The following DOCK1 variants were observed in gnomAD, a reference collection of about 807,000 sequenced individuals.
DOCK1 encodes dedicator of cytokinesis protein 1.
Under a neutral mutation model 262.7 loss-of-function variants are expected in DOCK1, and 138 were observed. That is an observed-to-expected ratio of 0.53 (90% CI 0.46 to 0.61). The LOEUF is 0.61. Ranked by LOEUF, DOCK1 falls within the 20% of genes least tolerant of loss-of-function variation. The pLI is 0.00. For missense variants in DOCK1, 1,908 were observed against 2,370.7 expected (o/e 0.80, Z 4.05); for synonymous variants, 866 against 867.4 (o/e 1.00, Z 0.03).
rs548084827 is a variant in DOCK1, at chr10:127,443,913, C to G, written c.5260-213C>G. Among the ~76,000 whole-genome samples, 11 of 152,122 alleles carry G rather than the reference C, an allele frequency of 7.2e-5. No homozygotes were observed. The East Asian group carries it at 1.9e-3, about 27-fold the overall frequency. ...GTTTTCCAGAGTTTCCTCCCCCGGT[C>G]CCCCATTCCTTTTCATGTCTTACTA... On this transcript the variant is annotated intron_variant, in intron 49 of 51. Transcript: ENST00000623213.
chr10:127,205,627 G>T (rs1463042501), intron 27 of DOCK1, among the ~76,000 whole-genome samples: 6 of 152,180 alleles, frequency 3.9e-5, no homozygotes, highest in Non-Finnish European at 7.3e-5. Flanking sequence ...AAAGTTCCTT[G>T]TTGGACTTTT....
rs551304259 is a variant in DOCK1, at chr10:127,393,799, G to T, written c.3927+8890G>T. Among the ~76,000 whole-genome samples the T allele has an allele frequency of 1.2e-4, 19 of 152,170 alleles. No individual in the cohort carries two copies. The East Asian group carries it at 3.1e-3, about 25-fold the overall frequency. On this transcript the variant is annotated intron_variant, in intron 38 of 51. Coordinates refer to ENST00000623213, the MANE Select transcript of DOCK1 (RefSeq NM_001290223.2). ...AAAGTTTTGAATGTCTTTCAGCCTA[G>T]CTCTTGGTTTCTTAATCTTTTTCTT...
At chr10:127,330,421 A>G (rs1010291281) in intron 29 of DOCK1, among the ~76,000 whole-genome samples, 15 of 150,556 alleles carry the variant, frequency 1.0e-4, no homozygotes, top group Non-Finnish European at 2.2e-4. Flanking sequence ...AAAAAAAAAA[A>G]CAGGGAAATA....
At chr10:127,322,184 T>TCC (rs201969558) in intron 29 of DOCK1, among the ~76,000 whole-genome samples, 1 of 103,584 alleles carries the variant, frequency 9.7e-6, no homozygotes, top group African/African-American at 4.6e-5. Context: ...TTTTATAATT[T>TCC]CCCTTTTTTT....
intron 25 of DOCK1, among the ~76,000 whole-genome samples, chr10:127,118,305 G>A (rs1441941892): frequency 6.6e-6 from 1 of 151,968 alleles, no homozygotes; most frequent in African/African-American, 2.4e-5. Context: ...CTCACACAGT[G>A]TTTTCTGCAT....
At chr10:127,286,819 T>C (rs1382241756) in intron 29 of DOCK1, among the ~76,000 whole-genome samples, 1 of 152,058 alleles carries the variant, frequency 6.6e-6, no homozygotes, top group Non-Finnish European at 1.5e-5. Flanking sequence ...GGTTGTTATA[T>C]CTAGTAAGTT....
intron 23 of DOCK1, among the ~76,000 whole-genome samples, chr10:127,075,502 A>G (rs1334496703): frequency 2.0e-5 from 3 of 152,194 alleles, no homozygotes; most frequent in African/African-American, 7.2e-5. Context: ...ACTGCTATAA[A>G]GAACTACCTG....
At chr10:127,202,432 A>G (rs1406501515) in intron 27 of DOCK1, among the ~76,000 whole-genome samples, 3 of 152,024 alleles carry the variant, frequency 2.0e-5, no homozygotes, top group Non-Finnish European at 4.4e-5. Context: ...TGCCCTTCCC[A>G]GGCCTTCTGC....
At chr10:127,332,710 G>A (rs1564999139) in intron 29 of DOCK1, among the ~76,000 whole-genome samples, 1 of 152,116 alleles carries the variant, frequency 6.6e-6, no homozygotes, top group African/African-American at 2.4e-5. Flanking sequence ...ACTGGGGGAC[G>A]TTCTTAGAAG....
chr10:127,344,446 T>G (rs2063547557), intron 31 of DOCK1: 1 of 152,218 alleles, frequency 6.6e-6, no homozygotes, highest in South Asian at 2.1e-4. Context: ...CTGTCGGTGT[T>G]CCTTTCATAA....
At chr10:127,290,757 A>G (rs2061322267) in intron 29 of DOCK1, among the ~76,000 whole-genome samples, 1 of 152,154 alleles carries the variant, frequency 6.6e-6, no homozygotes, top group South Asian at 2.1e-4. Context: ...GTATATAGCA[A>G]TAGTTTGTTC....
At chr10:127,031,626 AT>A in intron 16 of DOCK1, 23 bp from the exon 17 acceptor site, 3 of 1,571,680 alleles carry the variant, frequency 1.9e-6, no homozygotes, top group Admixed American at 1.8e-5. Flanking sequence ...GCAATCATCA[AT>A]TTTTTTGTTT....
chr10:126,978,116 T>A (rs1233561738), intron 3 of DOCK1, 128 bp downstream of exon 3: 1 of 906,624 alleles, frequency 1.1e-6, no homozygotes. Context: ...TAAAAAAATA[T>A]ATGGGTAGGA....
intron 29 of DOCK1, among the ~76,000 whole-genome samples, chr10:127,299,233 G>A (rs1219058961): frequency 6.6e-6 from 1 of 152,134 alleles, no homozygotes; most frequent in Non-Finnish European, 1.5e-5. Context: ...CGAGTAGCTG[G>A]GATTACAGGC....
chr10:127,217,464 C>A (rs2058263204), intron 27 of DOCK1, among the ~76,000 whole-genome samples: 1 of 152,148 alleles, frequency 6.6e-6, no homozygotes, highest in Non-Finnish European at 1.5e-5. Flanking sequence ...GGCCAGGAGA[C>A]CTTGAGCTCC....
chr10:126,926,385 CAAAA>C (rs1239467950), intron 1 of DOCK1, among the ~76,000 whole-genome samples: 10 of 150,746 alleles, frequency 6.6e-5, no homozygotes, highest in Non-Finnish European at 1.2e-4. Flanking sequence ...GAAAAGTAGA[CAAAA>C]GAAAAAAAAG....
Position 127,279,403 on chromosome 10 carries a change from A to T in DOCK1, c.3044+21974A>T, listed in dbSNP as rs151129898. On this transcript the variant is annotated intron_variant, in intron 29 of 51. Coordinates refer to ENST00000623213, the MANE Select transcript of DOCK1 (RefSeq NM_001290223.2). ...CTGATTTAGTATCTCACACAAGGTC[A>T]CATGGCTAATAAGGCAGAGAAGAAT... Among the ~76,000 whole-genome samples, 167 of 152,364 alleles carry T rather than the reference A, an allele frequency of 1.1e-3. 1 individual carries two copies. The highest frequency in any genetic ancestry group is 3.9e-3 in the African/African-American group (162 of 41,596).
At position 127,061,659 on chromosome 10, in the gene DOCK1, T is replaced by C. The variant is rs372569673; in HGVS notation, c.2337-9T>C. 2.1e-5 allele frequency: 34 copies of C among 1,588,542 alleles called. No homozygotes were observed. Among genetic ancestry groups the C allele is most frequent in the Non-Finnish European group, 2.8e-5 (33 of 1,166,780 alleles). ...GCCAGGCCCCCACAGTTTGTGTGTTTCTTTGCAGACTGTATGAAAACAAGG... is the reference window on the plus strand; with the variant it reads ...GCCAGGCCCCCACAGTTTGTGTGTTCCTTTGCAGACTGTATGAAAACAAGG... On this transcript the variant is annotated splice_polypyrimidine_tract_variant and intron_variant, in intron 22 of 51. Coordinates refer to ENST00000623213, the MANE Select transcript of DOCK1 (RefSeq NM_001290223.2).
At chr10:127,077,267 C>T (rs1351795614) in intron 23 of DOCK1, among the ~76,000 whole-genome samples, 1 of 151,990 alleles carries the variant, frequency 6.6e-6, no homozygotes, top group African/African-American at 2.4e-5. Context: ...TGGTGGTGGG[C>T]TCCTGTAATC....
Sources: allele counts gnomAD v4.1 joint callset (sites outside exome capture counted in the v4.1 genomes callset), GRCh38; gene constraint gnomAD v4.1.1; transcripts MANE v1.5; gene names NCBI Gene and HGNC (gene_info 2026-07-23, HGNC 2026-07-21).